CRACD: variants seen among roughly 807,000 people sequenced by gnomAD.
The protein encoded by CRACD is capping protein-inhibiting regulator of actin dynamics.
In CRACD, 56 loss-of-function variants were observed where a neutral mutation model predicts 106.8. The observed-to-expected ratio is 0.52, with a 90% CI of 0.42 to 0.66. The LOEUF (loss-of-function observed/expected upper bound fraction) is 0.66. Ranked by LOEUF, CRACD falls within the 30% of genes least tolerant of loss-of-function variation. The pLI is 0.00. For missense variants in CRACD, 1,730 were observed against 1,623.2 expected, an observed-to-expected ratio of 1.07 and a Z score of -1.13; for synonymous variants, 754 against 670.8, an observed-to-expected ratio of 1.12 and a Z score of -1.92.
intron 8 of CRACD, chr4:56,321,372 A>G (rs1746096976): frequency 6.5e-6 from 1 of 153,076 alleles, no homozygotes; most frequent in Non-Finnish European, 1.5e-5. Flanking sequence ...TCTTTTTTCA[A>G]ATTAGTCAAT....
chr4:56,119,714 A>G (rs1254447749), intron 1 of CRACD, among the ~76,000 whole-genome samples: 1 of 152,106 alleles, frequency 6.6e-6, no homozygotes, highest in Non-Finnish European at 1.5e-5. Context: ...TGACTTCTGG[A>G]AAGATATCCA....
chr4:56,319,937 C>T (rs1272374118), intron 8 of CRACD, among the ~76,000 whole-genome samples: 1 of 152,124 alleles, frequency 6.6e-6, no homozygotes, highest in Non-Finnish European at 1.5e-5. Flanking sequence ...GTTTGGGAAG[C>T]CAAGGCGGGC....
intron 1 of CRACD, among the ~76,000 whole-genome samples, chr4:56,060,370 G>A (rs1480555848): frequency 1.3e-5 from 2 of 152,126 alleles, no homozygotes; most frequent in African/African-American, 4.8e-5. Context: ...GAGAGCACAG[G>A]GGAGGGAGTG....
chr4:56,234,488 G>A (rs1739841356), intron 2 of CRACD, among the ~76,000 whole-genome samples: 1 of 152,184 alleles, frequency 6.6e-6, no homozygotes, highest in Admixed American at 6.5e-5. Context: ...TGATGGATAT[G>A]TATTTAGGTT....
chr4:56,076,689 T>G (rs1485241776), intron 1 of CRACD, among the ~76,000 whole-genome samples: 1 of 152,212 alleles, frequency 6.6e-6, no homozygotes, highest in Non-Finnish European at 1.5e-5. Context: ...CTTTCAGGAC[T>G]TAACTTCCTC....
intron 1 of CRACD, among the ~76,000 whole-genome samples, chr4:56,094,679 C>G (rs972870799): frequency 2.0e-5 from 3 of 152,196 alleles, no homozygotes; most frequent in Non-Finnish European, 4.4e-5. Context: ...GGCTTGAACT[C>G]CTGGCCTCAA....
intron 1 of CRACD, among the ~76,000 whole-genome samples, chr4:56,136,739 G>A (rs1461764676): frequency 6.6e-6 from 1 of 152,060 alleles, no homozygotes; most frequent in African/African-American, 2.4e-5. Flanking sequence ...ATCTTTTGAA[G>A]AGAAAAAGCT....
At chr4:56,202,432 A>C (rs1490787816) in intron 2 of CRACD, among the ~76,000 whole-genome samples, 5 of 152,158 alleles carry the variant, frequency 3.3e-5, no homozygotes, top group African/African-American at 1.2e-4. Flanking sequence ...TTTTTAATAG[A>C]GATGGAGTTT....
rs571987756 is a variant in CRACD at position 56,243,695 on chromosome 4, C to T, written c.-188-28626C>T. On this transcript the variant is annotated intron_variant, in intron 2 of 10. Transcript: ENST00000682029. ...TTTTGGGGTACATAAGATGTTTTGACATGGGTGTGCAATGTGAAATAAGCA... is the reference window on the plus strand; with the variant it reads ...TTTTGGGGTACATAAGATGTTTTGATATGGGTGTGCAATGTGAAATAAGCA... Among the ~76,000 whole-genome samples the T allele has an allele frequency of 2.0e-3, 297 of 152,180 alleles. 2 individuals carry two copies. The highest frequency in any genetic ancestry group is 3.4e-3 in the Non-Finnish European group (228 of 68,014).
intron 2 of CRACD, among the ~76,000 whole-genome samples, chr4:56,252,301 C>G (rs1437437961): frequency 3.9e-5 from 6 of 152,214 alleles, no homozygotes; most frequent in Admixed American, 2.0e-4. Context: ...TCTAACACCA[C>G]CAAACTCTTT....
chr4:56,298,156 C>G (rs1744155834), intron 3 of CRACD, 58 bp from the exon 4 acceptor site: 1 of 1,561,602 alleles, frequency 6.4e-7, no homozygotes, highest in South Asian at 1.2e-5. Context: ...TAATGGAAAA[C>G]TGAATTGCCA....
chr4:56,323,277 C>A, intron 8 of CRACD, 100 bp from the exon 9 acceptor site: 1 of 1,045,554 alleles, frequency 9.6e-7, no homozygotes, highest in Non-Finnish European at 1.4e-6. Flanking sequence ...CTGAATATGC[C>A]ATAGGGTTAT....
intron 2 of CRACD, among the ~76,000 whole-genome samples, chr4:56,218,421 C>A: frequency 6.8e-6 from 1 of 146,286 alleles, no homozygotes; most frequent in Non-Finnish European, 1.5e-5. Flanking sequence ...TGCTTTCTTT[C>A]CCTCCCTTCC....
chr4:56,211,014 A>G (rs1337738867), intron 2 of CRACD, among the ~76,000 whole-genome samples: 1 of 152,176 alleles, frequency 6.6e-6, no homozygotes, highest in African/African-American at 2.4e-5. Flanking sequence ...AAAAATATTG[A>G]AATCTTTTTA....
rs1745644172 is a variant in CRACD, at chr4:56,316,295, G to A, written c.2793G>A (p.Val931=). The A allele has an allele frequency of 6.2e-7, 1 of 1,613,874 alleles. No individual in the cohort carries two copies. The highest frequency in any genetic ancestry group is 1.3e-5 in the African/African-American group (1 of 74,940). ...AEPSSSRSVP[V]AHPGPPPASS... ...CTTCCAGCAGCCGCTCTGTTCCTGTGGCCCACCCTGGGCCTCCACCGGCCA... is the reference window on the plus strand; with the variant it reads ...CTTCCAGCAGCCGCTCTGTTCCTGTAGCCCACCCTGGGCCTCCACCGGCCA... The change falls in exon 8 of 11, where the codon GTG becomes GTA. Residue 931 remains valine (V), a synonymous_variant. Transcript: ENST00000682029.
At chr4:56,254,393 TGGG>T (rs111592012) in intron 2 of CRACD, among the ~76,000 whole-genome samples, 1 of 38,260 alleles carries the variant, frequency 2.6e-5, no homozygotes, top group Non-Finnish European at 5.7e-5. Context: ...CAGAGTTTTG[TGGG>T]GGTTTTTTTT....
chr4:56,142,865 T>G (rs922613854), intron 1 of CRACD, among the ~76,000 whole-genome samples: 6 of 152,240 alleles, frequency 3.9e-5, no homozygotes, highest in Non-Finnish European at 8.8e-5. Context: ...TAGATCTATT[T>G]GTGTATTTCC....
chr4:56,198,582 C>G (rs899865416), intron 2 of CRACD, among the ~76,000 whole-genome samples: 1 of 152,120 alleles, frequency 6.6e-6, no homozygotes, highest in Non-Finnish European at 1.5e-5. Flanking sequence ...GTCTTATTCT[C>G]TATGTATGAG....
At chr4:56,176,375 G>A (rs1171139274) in intron 1 of CRACD, among the ~76,000 whole-genome samples, 1 of 151,538 alleles carries the variant, frequency 6.6e-6, no homozygotes, top group Non-Finnish European at 1.5e-5. Context: ...AAGTAGTATG[G>A]GCATTTAACA....
Sources: gnomAD v4.1 joint callset for allele counts (sites outside exome capture counted in the v4.1 genomes callset) on GRCh38, gnomAD v4.1.1 for gene constraint, MANE v1.5 for transcripts, NCBI Gene and HGNC (gene_info 2026-07-23, HGNC 2026-07-21) for gene names.